Variants in TMEM132C observed in about 807,000 individuals in gnomAD.
TMEM132C encodes the protein transmembrane protein 132C.
A neutral mutation model predicts 61.4 loss-of-function variants in TMEM132C; 29 were observed. That is an observed-to-expected ratio of 0.47 (90% CI 0.35 to 0.64). TMEM132C has a LOEUF of 0.64. TMEM132C is among the 30% of genes least tolerant of loss of function. TMEM132C has a pLI of 0.00. For missense variants in TMEM132C, 1,408 were observed against 1,476.9 expected, an observed-to-expected ratio of 0.95 and a Z score of 0.76; for synonymous variants, 656 against 633.1, an observed-to-expected ratio of 1.04 and a Z score of -0.54.
At chr12:128,431,463 G>A (rs907345859) in intron 2 of TMEM132C, among the ~76,000 whole-genome samples, 4 of 151,908 alleles carry the variant, frequency 2.6e-5, no homozygotes, top group South Asian at 4.1e-4. Flanking sequence ...TAAGATCGTC[G>A]ATGAGGTGGC....
chr12:128,424,827 A>T (rs1303367283), intron 2 of TMEM132C, among the ~76,000 whole-genome samples: 1 of 152,202 alleles, frequency 6.6e-6, no homozygotes, highest in Non-Finnish European at 1.5e-5. Context: ...AATTTATTCT[A>T]CAGATGGTTT....
rs556478115 is a variant in TMEM132C, at chr12:128,495,057, G to C, written c.975-48900G>C. 1.2e-4 allele frequency among the ~76,000 whole-genome samples: 16 copies of C among 130,748 alleles called. 1 individual carries two copies. The highest frequency in any genetic ancestry group is 4.3e-4 in the African/African-American group (16 of 36,982). The allele number at this position is 130,748 out of a possible 152,430, so 85.8% of individuals were successfully genotyped here. Reference sequence around the variant, plus strand: ...CTGGTATGTTGTCTTTGTTCTCGTTGGTTTCAAAGAACATCTTTATTTCTG... The same window carrying C: ...CTGGTATGTTGTCTTTGTTCTCGTTCGTTTCAAAGAACATCTTTATTTCTG... On this transcript the variant is annotated intron_variant, in intron 2 of 8. Transcript: ENST00000435159.
chr12:128,627,828 T>A (rs189048906), intron 4 of TMEM132C, among the ~76,000 whole-genome samples: 75 of 152,230 alleles, frequency 4.9e-4, no homozygotes, highest in Non-Finnish European at 8.5e-4. Context: ...AAGTGCTGGG[T>A]CCTGGTCAGT....
chr12:128,296,890 TAA>T (rs997014658), intron 1 of TMEM132C, among the ~76,000 whole-genome samples: 3 of 152,200 alleles, frequency 2.0e-5, no homozygotes, highest in African/African-American at 7.2e-5. Context: ...ATAATATAAA[TAA>T]AAGATATTTA....
intron 4 of TMEM132C, among the ~76,000 whole-genome samples, chr12:128,640,684 C>T (rs1491003123): frequency 6.6e-6 from 1 of 152,158 alleles, no homozygotes; most frequent in African/African-American, 2.4e-5. Context: ...TCACTTGAAC[C>T]CAGGAGTTCA....
At chr12:128,446,450 A>G (rs1208139032) in intron 2 of TMEM132C, among the ~76,000 whole-genome samples, 2 of 152,238 alleles carry the variant, frequency 1.3e-5, no homozygotes, top group Non-Finnish European at 2.9e-5. Flanking sequence ...CTGACTCTGG[A>G]GGCCACACAT....
rs1287313962 is a variant in TMEM132C, at chr12:128,705,218, C to T, written c.2250C>T (p.Pro750=). 6.4e-7 allele frequency: 1 copy of T among 1,551,702 alleles called. No homozygotes were observed. The highest frequency in any genetic ancestry group is 8.7e-7 in the Non-Finnish European group (1 of 1,147,000). The change falls in exon 9 of 9, where the codon CCC becomes CCT. Residue 750 remains proline (P), a synonymous_variant. Transcript: ENST00000435159. ...AGGCTGTCGTGTCAGTCCCCCAGCC[C>T]CGCTCTCCCAGGTGGCCCGTTGTGG... ...QDEAVVSVPQ[P]RSPRWPVVVA...
chr12:128,531,979 T>G (rs1873327536), intron 2 of TMEM132C, among the ~76,000 whole-genome samples: 1 of 152,170 alleles, frequency 6.6e-6, no homozygotes, highest in Non-Finnish European at 1.5e-5. Context: ...GAACGGTAAT[T>G]TTCAATGTTT....
intron 2 of TMEM132C, among the ~76,000 whole-genome samples, chr12:128,478,618 A>G (rs1014549088): frequency 2.0e-5 from 3 of 152,200 alleles, no homozygotes; most frequent in African/African-American, 2.4e-5. Context: ...TTCTTTTAAG[A>G]TGACACCTGT....
At chr12:128,406,997 G>A (rs189116880) in intron 1 of TMEM132C, among the ~76,000 whole-genome samples, 1 of 152,230 alleles carries the variant, frequency 6.6e-6, no homozygotes, top group Non-Finnish European at 1.5e-5. Flanking sequence ...GTTGTGAAGA[G>A]CTAATTGACA....
intron 2 of TMEM132C, among the ~76,000 whole-genome samples, chr12:128,508,813 G>A (rs1215340659): frequency 6.6e-6 from 1 of 152,220 alleles, no homozygotes; most frequent in Non-Finnish European, 1.5e-5. Flanking sequence ...CAGGGCTGGA[G>A]CTGTGAAAGT....
At chr12:128,621,525 G>T (rs995891667) in intron 4 of TMEM132C, among the ~76,000 whole-genome samples, 2 of 152,190 alleles carry the variant, frequency 1.3e-5, no homozygotes, top group South Asian at 4.1e-4. Context: ...AGGCAAGGAC[G>T]GTTCTCTCTA....
intron 3 of TMEM132C, among the ~76,000 whole-genome samples, chr12:128,582,508 G>A (rs547375946): frequency 1.3e-5 from 2 of 149,852 alleles, no homozygotes; most frequent in South Asian, 2.1e-4. Context: ...CTTGAATTGT[G>A]CTCCCATAAT....
intron 1 of TMEM132C, among the ~76,000 whole-genome samples, chr12:128,368,904 C>T (rs1331361848): frequency 6.6e-6 from 1 of 152,080 alleles, no homozygotes; most frequent in African/African-American, 2.4e-5. Flanking sequence ...CTGAACTCGC[C>T]CCTGAGACTC....
At chr12:128,421,706 A>C (rs1235022026) in intron 2 of TMEM132C, among the ~76,000 whole-genome samples, 2 of 152,252 alleles carry the variant, frequency 1.3e-5, no homozygotes, top group East Asian at 1.9e-4. Flanking sequence ...CATGAGACCC[A>C]AAAGTCAAGG....
At chr12:128,638,775 G>A (rs1198617585) in intron 4 of TMEM132C, among the ~76,000 whole-genome samples, 1 of 152,090 alleles carries the variant, frequency 6.6e-6, no homozygotes. Context: ...TGGTTATAAT[G>A]ACTGTAAGGC....
Position 128,474,254 on chromosome 12 carries a change from G to C in TMEM132C, c.974+58634G>C, listed in dbSNP as rs145670614. Among the ~76,000 whole-genome samples, 550 of 152,252 alleles carry C rather than the reference G, an allele frequency of 3.6e-3. 1 individual carries two copies. The highest frequency in any genetic ancestry group is 0.013 in the African/African-American group (534 of 41,542). ...AATCCCTGGTGATGCAGATGCTGCTGGTCCAGAGAGCACTTTGAGAACCTC... is the reference window on the plus strand; with the variant it reads ...AATCCCTGGTGATGCAGATGCTGCTCGTCCAGAGAGCACTTTGAGAACCTC... On this transcript the variant is annotated intron_variant, in intron 2 of 8. Coordinates refer to ENST00000435159, the MANE Select transcript of TMEM132C (RefSeq NM_001136103.3).
At chr12:128,521,591 C>T (rs917065239) in intron 2 of TMEM132C, among the ~76,000 whole-genome samples, 1 of 151,854 alleles carries the variant, frequency 6.6e-6, no homozygotes, top group African/African-American at 2.4e-5. Context: ...ACAGATTATA[C>T]AGGACTAACT....
At chr12:128,369,465 G>T (rs1232108137) in intron 1 of TMEM132C, among the ~76,000 whole-genome samples, 2 of 152,176 alleles carry the variant, frequency 1.3e-5, no homozygotes, top group African/African-American at 4.8e-5. Context: ...TGAGAAAACT[G>T]AGGCTTTACA....
Sources: gnomAD v4.1 joint callset for allele counts (sites outside exome capture counted in the v4.1 genomes callset) on GRCh38, gnomAD v4.1.1 for gene constraint, MANE v1.5 for transcripts, NCBI Gene and HGNC (gene_info 2026-07-23, HGNC 2026-07-21) for gene names.